SORCS3: variants seen among roughly 807,000 people sequenced by gnomAD.
SORCS3 encodes VPS10 domain-containing receptor SorCS3.
In SORCS3, 57 loss-of-function variants were observed where a neutral mutation model predicts 146.3. The ratio of observed to expected loss-of-function variants is 0.39; its 90% confidence interval spans 0.31 to 0.49. The LOEUF (loss-of-function observed/expected upper bound fraction) is 0.49. SORCS3 is among the 20% of genes least tolerant of loss of function. SORCS3 has a pLI of 0.92. For missense variants in SORCS3, 1,341 were observed against 1,575.5 expected, an observed-to-expected ratio of 0.85 and a Z score of 2.52; for synonymous variants, 653 against 618.5, an observed-to-expected ratio of 1.06 and a Z score of -0.83.
At chr10:104,952,025 C>G (rs974453318) in intron 3 of SORCS3, among the ~76,000 whole-genome samples, 4 of 151,402 alleles carry the variant, frequency 2.6e-5, no homozygotes, top group Admixed American at 1.3e-4. Flanking sequence ...CAAGTTAGCA[C>G]CAGCACGGCA....
intron 2 of SORCS3, among the ~76,000 whole-genome samples, chr10:104,887,014 A>G (rs2018694924): frequency 6.6e-6 from 1 of 152,234 alleles, no homozygotes; most frequent in African/African-American, 2.4e-5. Context: ...TCATTCAGCA[A>G]GTAATTTAGT....
At chr10:105,074,842 C>T (rs1398717104) in intron 5 of SORCS3, among the ~76,000 whole-genome samples, 1 of 152,196 alleles carries the variant, frequency 6.6e-6, no homozygotes, top group African/African-American at 2.4e-5. Flanking sequence ...ATGCATGCCC[C>T]TAGCAGTCCC....
At chr10:105,148,456 G>T (rs2056147357) in intron 9 of SORCS3, among the ~76,000 whole-genome samples, 1 of 152,122 alleles carries the variant, frequency 6.6e-6, no homozygotes, top group South Asian at 2.1e-4. Context: ...TATTTTCAGT[G>T]ACCTAAAAGA....
At chr10:105,254,931 G>T (rs1489514627) in intron 23 of SORCS3, among the ~76,000 whole-genome samples, 1 of 152,010 alleles carries the variant, frequency 6.6e-6, no homozygotes, top group African/African-American at 2.4e-5. Flanking sequence ...GCTCACGCCT[G>T]TAATCCCAGC....
chr10:105,075,564 G>A (rs775489546), intron 5 of SORCS3, among the ~76,000 whole-genome samples: 4 of 152,102 alleles, frequency 2.6e-5, no homozygotes, highest in South Asian at 2.1e-4. Context: ...TGCTGATGGG[G>A]AGTGACACCT....
intron 23 of SORCS3, 43 bp from the exon 24 acceptor site, chr10:105,255,659 T>C (rs762033811): frequency 3.0e-6 from 4 of 1,352,790 alleles, no homozygotes; most frequent in South Asian, 2.4e-5. Flanking sequence ...GGGAGCATCA[T>C]TGCATGTCAT....
chr10:104,682,472 A>G (rs1050386451), intron 1 of SORCS3, among the ~76,000 whole-genome samples: 10 of 152,220 alleles, frequency 6.6e-5, no homozygotes, highest in African/African-American at 2.4e-4. Flanking sequence ...GTGAATCTGA[A>G]TAAGGCCTGA....
At chr10:104,943,377 C>A (rs1262602403) in intron 3 of SORCS3, among the ~76,000 whole-genome samples, 1 of 152,156 alleles carries the variant, frequency 6.6e-6, no homozygotes, top group Non-Finnish European at 1.5e-5. Context: ...CCACCTGCCT[C>A]GGTCTCCCAA....
chr10:104,825,421 C>T (rs1463342763), intron 1 of SORCS3, among the ~76,000 whole-genome samples: 1 of 152,204 alleles, frequency 6.6e-6, no homozygotes, highest in Non-Finnish European at 1.5e-5. Flanking sequence ...TTAATGCTTT[C>T]ACTTTTTCTC....
At chr10:105,181,140 G>A (rs1374827492) in intron 14 of SORCS3, among the ~76,000 whole-genome samples, 4 of 152,160 alleles carry the variant, frequency 2.6e-5, no homozygotes, top group Non-Finnish European at 5.9e-5. Context: ...TGCTAACATG[G>A]AGGATTTAAC....
At chr10:104,681,093 T>G (rs1186955869) in intron 1 of SORCS3, among the ~76,000 whole-genome samples, 1 of 152,238 alleles carries the variant, frequency 6.6e-6, no homozygotes, top group Admixed American at 6.5e-5. Flanking sequence ...GCGTAACACA[T>G]GCCGGTCTCC....
chr10:104,838,938 G>T (rs917509986), intron 1 of SORCS3, among the ~76,000 whole-genome samples: 3 of 149,310 alleles, frequency 2.0e-5, no homozygotes, highest in Non-Finnish European at 4.4e-5. Context: ...CACTACCTTG[G>T]GGGTACTTGG....
At chr10:104,999,626 C>T (rs2133670925) in intron 4 of SORCS3, among the ~76,000 whole-genome samples, 1 of 135,142 alleles carries the variant, frequency 7.4e-6, no homozygotes, top group East Asian at 2.3e-4. Flanking sequence ...ATCTCTTGCT[C>T]CACAGGATCT....
intron 6 of SORCS3, among the ~76,000 whole-genome samples, chr10:105,099,389 AG>A (rs1357890089): frequency 2.0e-5 from 3 of 147,290 alleles, no homozygotes; most frequent in African/African-American, 7.5e-5. Context: ...AATCACAGAA[AG>A]TTTTTTCTCT....
At chr10:104,681,278 C>T (rs1220421718) in intron 1 of SORCS3, among the ~76,000 whole-genome samples, 1 of 152,140 alleles carries the variant, frequency 6.6e-6, no homozygotes, top group African/African-American at 2.4e-5. Context: ...GCAGCAGTGC[C>T]GCAGGCTTCC....
chr10:105,043,290 G>A (rs1351005124), intron 5 of SORCS3, among the ~76,000 whole-genome samples, 162 bp downstream of exon 5: 2 of 152,088 alleles, frequency 1.3e-5, no homozygotes, highest in Non-Finnish European at 2.9e-5. Flanking sequence ...ATCACCTGGG[G>A]ACTTGTTAGA....
At chr10:104,929,905 A>T (rs1189530846) in intron 3 of SORCS3, among the ~76,000 whole-genome samples, 2 of 152,246 alleles carry the variant, frequency 1.3e-5, no homozygotes, top group African/African-American at 4.8e-5. Context: ...AGCCACAAGC[A>T]TCAAGAACAA....
At chr10:105,012,832 G>A (rs1329875159) in intron 4 of SORCS3, among the ~76,000 whole-genome samples, 1 of 152,146 alleles carries the variant, frequency 6.6e-6, no homozygotes, top group African/African-American at 2.4e-5. Flanking sequence ...CATGAAAGAC[G>A]ATTAAAATCT....
chr10:104,654,348 C>A (rs2015599064), intron 1 of SORCS3, among the ~76,000 whole-genome samples: 2 of 152,068 alleles, frequency 1.3e-5, no homozygotes, highest in African/African-American at 2.4e-5. Context: ...TTGTATGATA[C>A]CTCTATTTTT....
Sources: allele counts gnomAD v4.1 joint callset (sites outside exome capture counted in the v4.1 genomes callset), GRCh38; gene constraint gnomAD v4.1.1; transcripts MANE v1.5; gene names NCBI Gene and HGNC (gene_info 2026-07-23, HGNC 2026-07-21).